Variants in SHISA9 observed in about 807,000 individuals in gnomAD.
The protein encoded by SHISA9 is protein shisa-9.
A neutral mutation model predicts 38.0 loss-of-function variants in SHISA9; 13 were observed. That is an observed-to-expected ratio of 0.34 (90% confidence interval 0.22 to 0.54). The LOEUF (loss-of-function observed/expected upper bound fraction) is 0.54, where lower values mean the gene tolerates loss of function less well. Among genes scored for constraint, SHISA9 ranks in the 20% least tolerant of loss-of-function variants. SHISA9 has a pLI of 0.91. For missense variants in SHISA9, 538 were observed against 575.8 expected (o/e 0.93, Z 0.67); for synonymous variants, 275 against 242.0 (o/e 1.14, Z -1.27).
chr16:13,434,460 C>T, the SHISA9 span, among the ~76,000 whole-genome samples: 3 of 117,042 alleles, frequency 2.6e-5, no homozygotes, highest in East Asian at 3.0e-4. Context: ...GTCTGTCACC[C>T]AGGCTGGAGT....
chr16:13,192,883 GAGA>G (rs892776817), intron 2 of SHISA9, among the ~76,000 whole-genome samples: 2 of 150,590 alleles, frequency 1.3e-5, no homozygotes, highest in Admixed American at 6.7e-5. Context: ...TCAAAAAAAA[GAGA>G]AGAAGAAGAA....
In SHISA9 at chr16:13,239,018, A is replaced by G. The variant is rs1206202905; in HGVS notation, c.*3609A>G. 1 of 110,792 alleles carries G rather than the reference A, an allele frequency of 9.0e-6. No homozygotes were observed. Among genetic ancestry groups the G allele is most frequent in the Admixed American group, 1.3e-4 (1 of 7,708 alleles). 6.9% of individuals were successfully genotyped at this position (110,792 alleles called of 1,614,324 possible). ...ACCCCACAACAGTCCCCAGAGTGTG[A>G]TGTTCCCCTTCTTGTGTCCATGTGT... On this transcript the variant is annotated 3_prime_UTR_variant, in exon 5 of 5. Transcript: ENST00000558583.
At chr16:13,106,972 C>A (rs1167327912) in intron 2 of SHISA9, among the ~76,000 whole-genome samples, 1 of 61,994 alleles carries the variant, frequency 1.6e-5, no homozygotes, top group African/African-American at 6.2e-5. Flanking sequence ...CACGTTCTCT[C>A]TCTCTCTCTC....
At chr16:13,142,635 A>G (rs965223194) in intron 2 of SHISA9, among the ~76,000 whole-genome samples, 2 of 152,118 alleles carry the variant, frequency 1.3e-5, no homozygotes, top group Non-Finnish European at 2.9e-5. Context: ...TTGATTTTTC[A>G]TCATCTGGCT....
rs1329935326 is a variant in SHISA9 at position 12,986,078 on chromosome 16, G to A, written c.691+69263G>A. 2.6e-5 allele frequency among the ~76,000 whole-genome samples: 4 copies of A among 152,042 alleles called. No homozygotes were observed. The South Asian group carries it at 6.2e-4, about 24-fold the overall frequency. ...AGGGCTTCCTTCCTTTCTATGTGCT[G>A]TGTCACCTGCATCTTTACTGTATTT... On this transcript the variant is annotated intron_variant, in intron 2 of 4. Transcript: ENST00000558583.
chr16:13,069,503 TATATGTGTATAC>T (rs1002623340), intron 2 of SHISA9, among the ~76,000 whole-genome samples: 4 of 152,212 alleles, frequency 2.6e-5, no homozygotes, highest in African/African-American at 9.6e-5. Context: ...CATGCATGTG[TATATGTGTATAC>T]ATGTGTGTAC....
chr16:13,255,027 T>C, the SHISA9 span, among the ~76,000 whole-genome samples: 1 of 152,308 alleles, frequency 6.6e-6, no homozygotes, highest in East Asian at 1.9e-4. Context: ...CATCCTCTTT[T>C]TCTTCTTTGC....
the SHISA9 span, among the ~76,000 whole-genome samples, chr16:13,412,876 A>T: frequency 2.6e-5 from 4 of 152,060 alleles, no homozygotes; most frequent in Admixed American, 2.0e-4. Flanking sequence ...AAAACAAACA[A>T]ATAAACAAAC....
intron 2 of SHISA9, among the ~76,000 whole-genome samples, chr16:13,041,920 C>T (rs757637282): frequency 2.6e-5 from 4 of 152,172 alleles, no homozygotes; most frequent in African/African-American, 4.8e-5. Context: ...TGAGTACCAT[C>T]GAATCATCAA....
At chr16:13,517,128 G>A in the SHISA9 span, among the ~76,000 whole-genome samples, 4 of 152,136 alleles carry the variant, frequency 2.6e-5, no homozygotes, top group African/African-American at 9.7e-5. Context: ...GAAGAGAAGA[G>A]GACATGCAGA....
chr16:13,043,618 T>C (rs1340746143), intron 2 of SHISA9, among the ~76,000 whole-genome samples: 2 of 152,212 alleles, frequency 1.3e-5, no homozygotes, highest in African/African-American at 4.8e-5. Flanking sequence ...CGGTGGGAAC[T>C]CCTTAACCTC....
intron 2 of SHISA9, among the ~76,000 whole-genome samples, chr16:13,005,166 C>G (rs1031810514): frequency 6.6e-6 from 1 of 151,928 alleles, no homozygotes; most frequent in African/African-American, 2.4e-5. Context: ...GAGTGTATCA[C>G]TGAGCTCAGT....
chr16:13,483,807 C>T, the SHISA9 span, among the ~76,000 whole-genome samples: 1 of 152,094 alleles, frequency 6.6e-6, no homozygotes, highest in Non-Finnish European at 1.5e-5. Context: ...GAAGGGTGGT[C>T]CCCAGGGAGA....
chr16:13,072,414 G>A (rs538429197), intron 2 of SHISA9, among the ~76,000 whole-genome samples: 1 of 152,292 alleles, frequency 6.6e-6, no homozygotes, highest in African/African-American at 2.4e-5. Flanking sequence ...GGCCAGGGGA[G>A]GAAGTGATGG....
chr16:13,497,638 T>C, the SHISA9 span, among the ~76,000 whole-genome samples: 3 of 148,712 alleles, frequency 2.0e-5, no homozygotes, highest in East Asian at 2.0e-4. Context: ...TGAACCGAGA[T>C]TGCACCACTG....
At chr16:13,350,653 T>C in the SHISA9 span, 11 of 152,214 alleles carry the variant, frequency 7.2e-5, no homozygotes, top group African/African-American at 2.7e-4. Context: ...GACATGACTT[T>C]GCAGAAGTGG....
At chr16:13,367,712 G>GTGCGCGCA in the SHISA9 span, among the ~76,000 whole-genome samples, 4 of 104,640 alleles carry the variant, frequency 3.8e-5, no homozygotes, top group African/African-American at 1.4e-4. Flanking sequence ...GCGCGCGCGC[G>GTGCGCGCA]CACACACACA....
chr16:12,949,140 C>G (rs1196628721), intron 2 of SHISA9, among the ~76,000 whole-genome samples: 1 of 152,110 alleles, frequency 6.6e-6, no homozygotes, highest in Non-Finnish European at 1.5e-5. Flanking sequence ...AGAAAGTTCC[C>G]TAGGAGCAGA....
chr16:13,076,484 T>C lies in SHISA9; in HGVS notation c.692-126910T>C, dbSNP rs187290912. Reference sequence around the variant, plus strand: ...TAGCCCACTTCCCCCTGCTCCCTCCTTTCCCCCACCCTCTGTCTTGCACAC... The same window carrying C: ...TAGCCCACTTCCCCCTGCTCCCTCCCTTCCCCCACCCTCTGTCTTGCACAC... On this transcript the variant is annotated intron_variant, in intron 2 of 4. Transcript: ENST00000558583. Among the ~76,000 whole-genome samples the C allele has an allele frequency of 3.9e-5, 6 of 152,278 alleles. No individual in the cohort carries two copies. In the East Asian group the frequency reaches 1.2e-3, roughly 29 times the overall value.
Sources: allele counts gnomAD v4.1 joint callset (sites outside exome capture counted in the v4.1 genomes callset), GRCh38; gene constraint gnomAD v4.1.1; transcripts MANE v1.5; gene names NCBI Gene and HGNC (gene_info 2026-07-23, HGNC 2026-07-21).